The following DGCR2 variants were observed in gnomAD, a reference collection of about 807,000 sequenced individuals.
DGCR2 encodes DiGeorge syndrome critical region gene 2.
A neutral mutation model predicts 51.6 loss-of-function variants in DGCR2; 24 were observed. The ratio of observed to expected loss-of-function variants is 0.47; its 90% CI spans 0.34 to 0.65. The LOEUF (loss-of-function observed/expected upper bound fraction) is 0.65, where lower values mean the gene tolerates loss of function less well. Ranked by LOEUF, DGCR2 falls within the 30% of genes least tolerant of loss-of-function variation. The pLI, the probability that DGCR2 is intolerant of heterozygous loss-of-function variation, is 0.01. For missense variants in DGCR2, 765 were observed against 772.1 expected (o/e 0.99, Z 0.11); for synonymous variants, 340 against 315.4 (o/e 1.08, Z -0.82).
At chr22:19,039,326 CCT>C (rs1420571058) in intron 9 of DGCR2, among the ~76,000 whole-genome samples, 6 of 152,320 alleles carry the variant, frequency 3.9e-5, no homozygotes, top group African/African-American at 1.2e-4. Flanking sequence ...CCTACTGCCC[CCT>C]GTGGCTGGGA....
chr22:19,090,099 GGTTAGA>G (rs2083062183), intron 1 of DGCR2, among the ~76,000 whole-genome samples: 1 of 152,120 alleles, frequency 6.6e-6, no homozygotes, highest in East Asian at 1.9e-4. Flanking sequence ...AACATTAACA[GGTTAGA>G]TTTTGTAGTA....
At chr22:19,069,482 C>T (rs759049071) in intron 2 of DGCR2, among the ~76,000 whole-genome samples, 3 of 152,232 alleles carry the variant, frequency 2.0e-5, no homozygotes, top group Admixed American at 1.3e-4. Context: ...CCATATTTAA[C>T]TATGCGAGCA....
rs745445280 is a variant in DGCR2 at position 19,089,376 on chromosome 22, T to C, written c.194A>G (p.Asn65Ser). The C allele has an allele frequency of 2.3e-5, 37 of 1,606,694 alleles. No individual in the cohort carries two copies. Among genetic ancestry groups the C allele is most frequent in the East Asian group, 1.1e-4 (5 of 44,462 alleles). The part of the protein sequence containing the change: ...ATCEDESDEA[N>S]CPEVTGEVRP... ...CTACTCAACACACTCACCTGGACAG[T>C]TGGCTTCGTCGCTCTCATCCTCGCA... The change falls in exon 2 of 10, where the codon AAC (asparagine) becomes AGC (serine). Residue 65 changes from asparagine (N) to serine (S), a missense_variant. Physicochemically the swap from Asn to Ser is conservative, Grantham distance 46. Around this residue, in one of 3 missense-constraint regions of DGCR2, gnomAD observed 370 missense variants for 325.5 expected, o/e 1.14. Coordinates refer to ENST00000263196, the MANE Select transcript of DGCR2 (RefSeq NM_005137.3).
chr22:19,041,970 G>C lies in DGCR2; in HGVS notation c.1007-11C>G. 4 of 1,610,856 alleles carry C rather than the reference G, an allele frequency of 2.5e-6. No individual in the cohort carries two copies. Among genetic ancestry groups the C allele is most frequent in the Non-Finnish European group, 3.4e-6 (4 of 1,178,914 alleles). ...ACAGACTGTTGCCATCTGAGGGGGA[G>C]GGGAGGAAATGGCCGCTCTGAGAAG... On this transcript the variant is annotated splice_polypyrimidine_tract_variant and intron_variant, in intron 7 of 9. Coordinates refer to ENST00000263196, the MANE Select transcript of DGCR2 (RefSeq NM_005137.3).
chr22:19,051,859 A>G (rs1255667347), intron 6 of DGCR2, among the ~76,000 whole-genome samples: 1 of 152,226 alleles, frequency 6.6e-6, no homozygotes, highest in African/African-American at 2.4e-5. Context: ...ATGCAAATTG[A>G]AACCATAAGG....
chr22:19,122,001 A>T (rs2083439041), intron 1 of DGCR2, 127 bp downstream of exon 1: 1 of 526,494 alleles, frequency 1.9e-6, no homozygotes, highest in Non-Finnish European at 2.7e-6. Flanking sequence ...CCCGCGAGCC[A>T]GGCCCCGCCC....
Position 19,063,099 on chromosome 22 carries a change from C to G in DGCR2, c.625+103G>C. ...GGGCTCACCCACTCCCTGCACAGCA[C>G]CCCTACGGGCCAGGCAGCACTGGGT... On this transcript the variant is annotated intron_variant, in intron 5 of 9. Coordinates refer to ENST00000263196, the MANE Select transcript of DGCR2 (RefSeq NM_005137.3). 9 of 1,115,676 alleles carry G rather than the reference C, an allele frequency of 8.1e-6. No individual in the cohort carries two copies. The South Asian group carries it at 1.2e-4, about 15-fold the overall frequency. 69.1% of individuals were successfully genotyped at this position (1,115,676 alleles called of 1,614,324 possible). A position where few individuals can be genotyped will look rare whatever the true frequency, so the allele number is the denominator to read the frequency against.
chr22:19,054,067 A>G (rs2082575908), intron 6 of DGCR2, among the ~76,000 whole-genome samples: 1 of 152,220 alleles, frequency 6.6e-6, no homozygotes, highest in African/African-American at 2.4e-5. Flanking sequence ...CTGGACAATG[A>G]AAAAAATAGC....
intron 1 of DGCR2, among the ~76,000 whole-genome samples, chr22:19,111,247 A>G (rs577307335): frequency 4.7e-4 from 72 of 152,332 alleles, no homozygotes; most frequent in African/African-American, 1.7e-3. Flanking sequence ...ACCCAAGCCC[A>G]AAGAGACATC....
intron 5 of DGCR2, among the ~76,000 whole-genome samples, chr22:19,062,808 A>G (rs868065513): frequency 9.4e-6 from 1 of 106,824 alleles, no homozygotes; most frequent in Non-Finnish European, 2.0e-5. Context: ...CTCTCTCTCT[A>G]TCTGCCTGAT....
At chr22:19,098,906 T>A (rs116472622) in intron 1 of DGCR2, among the ~76,000 whole-genome samples, 252 of 152,286 alleles carry the variant, frequency 1.7e-3, no homozygotes, top group African/African-American at 5.8e-3. Context: ...GGGACACATC[T>A]TTATTGCTGC....
intron 4 of DGCR2, among the ~76,000 whole-genome samples, chr22:19,063,555 T>C (rs1460547944): frequency 6.6e-6 from 1 of 151,690 alleles, no homozygotes; most frequent in Non-Finnish European, 1.5e-5. Flanking sequence ...TTCACCATAT[T>C]GGCCAGGATG....
At chr22:19,120,058 A>G (rs2083415545) in intron 1 of DGCR2, among the ~76,000 whole-genome samples, 1 of 152,154 alleles carries the variant, frequency 6.6e-6, no homozygotes, top group Non-Finnish European at 1.5e-5. Flanking sequence ...GGAAGGACAC[A>G]TGGTGAATGT....
intron 2 of DGCR2, among the ~76,000 whole-genome samples, chr22:19,084,065 C>G (rs1234903524): frequency 6.6e-6 from 1 of 152,056 alleles, no homozygotes; most frequent in Non-Finnish European, 1.5e-5. Flanking sequence ...GATCTCGGCT[C>G]GCTACAACCT....
chr22:19,068,788 G>A (rs1228261435), intron 2 of DGCR2, among the ~76,000 whole-genome samples: 1 of 152,270 alleles, frequency 6.6e-6, no homozygotes, highest in Admixed American at 6.5e-5. Flanking sequence ...TTTGGTGCTT[G>A]GCACAGGCCC....
At chr22:19,078,456 C>T (rs937319241) in intron 2 of DGCR2, among the ~76,000 whole-genome samples, 1 of 152,114 alleles carries the variant, frequency 6.6e-6, no homozygotes. Flanking sequence ...TTAGTTCTAA[C>T]CATGTTTCTG....
Position 19,057,215 on chromosome 22 carries a change from T to C in DGCR2, c.626-53A>G. ...GACAACATCACATCAGAGGACAAGC[T>C]GTGCAGTCCTCAAGGGGACCATGGC... On this transcript the variant is annotated intron_variant, in intron 5 of 9. Coordinates refer to ENST00000263196, the MANE Select transcript of DGCR2 (RefSeq NM_005137.3). This position sits in a 1 kb window ranked among gnomAD's most constrained non-coding sequence, Gnocchi z 5.1. 1.3e-6 allele frequency: 2 copies of C among 1,508,392 alleles called. No individual in the cohort carries two copies. Among genetic ancestry groups the C allele is most frequent in the Non-Finnish European group, 1.8e-6 (2 of 1,117,758 alleles). 93.4% of individuals were successfully genotyped at this position (1,508,392 alleles called of 1,614,324 possible).
In DGCR2 at chr22:19,122,352, C is replaced by G. The variant is rs181415181; in HGVS notation, c.-146G>C. 8.0e-3 allele frequency: 4,545 copies of G among 568,716 alleles called. 35 individuals carry two copies. Among genetic ancestry groups the G allele is most frequent in the Non-Finnish European group, 0.011 (3,927 of 351,458 alleles). The allele number at this position is 568,716 out of a possible 1,614,324, so 35.2% of individuals were successfully genotyped here. A position where few individuals can be genotyped will look rare whatever the true frequency, so the allele number is the denominator to read the frequency against. Reference sequence around the variant, plus strand: ...CGGCGGGAAAGAGCTTCGGCTGGGCCGCGGGCTGGCGCACACTCTCGGCTG... The same window carrying G: ...CGGCGGGAAAGAGCTTCGGCTGGGCGGCGGGCTGGCGCACACTCTCGGCTG... On this transcript the variant is annotated 5_prime_UTR_variant, in exon 1 of 10. Transcript: ENST00000263196.
rs370974690 is a variant in DGCR2 at position 19,041,158 on chromosome 22, G to A, written c.1296C>T (p.Pro432=). The part of the protein sequence containing the change: ...GTFHFHDPPP[P]YTAYKYPDIG... ...TGTCCGGGTACTTGTATGCCGTGTA[G>A]GGAGGTGGAGGGTCGTGGAAATGGA... is the stretch of plus-strand genomic sequence containing the variant. The change falls in exon 9 of 10, where the codon CCC becomes CCT. Residue 432 remains proline, a synonymous_variant. Coordinates refer to ENST00000263196, the MANE Select transcript of DGCR2 (RefSeq NM_005137.3). 12 of 1,613,988 alleles carry A rather than the reference G, an allele frequency of 7.4e-6. No individual in the cohort carries two copies. The highest frequency in any genetic ancestry group is 1.0e-5 in the Non-Finnish European group (12 of 1,179,998).
Sources: gnomAD v4.1 joint callset for allele counts (sites outside exome capture counted in the v4.1 genomes callset) on GRCh38, gnomAD v4.1.1 for gene constraint, gnomAD v4.1.1 regional missense constraint, Gnocchi (gnomAD v3.1) non-coding constraint, MANE v1.5 for transcripts, NCBI Gene and HGNC (gene_info 2026-07-23, HGNC 2026-07-21) for gene names.